The following GRID2 variants were observed in gnomAD, a reference collection of about 807,000 sequenced individuals.
GRID2 encodes the protein glutamate receptor ionotropic, delta-2.
Under a neutral mutation model 114.8 loss-of-function variants are expected in GRID2, and 33 were observed. That is an observed-to-expected ratio of 0.29 (90% CI 0.22 to 0.38). The LOEUF (loss-of-function observed/expected upper bound fraction) is 0.38. GRID2 is among the 10% of genes least tolerant of loss of function. GRID2 has a pLI of 1.00. For missense variants in GRID2, 1,184 were observed against 1,257.7 expected (o/e 0.94, Z 0.89); for synonymous variants, 505 against 449.9 (o/e 1.12, Z -1.55).
intron 2 of GRID2, among the ~76,000 whole-genome samples, chr4:92,940,480 G>A (rs1223105673): frequency 6.6e-6 from 1 of 151,852 alleles, no homozygotes; most frequent in Non-Finnish European, 1.5e-5. Flanking sequence ...GAGACGATGG[G>A]GTTTTCTAGA....
chr4:92,444,112 A>G (rs897337056), intron 1 of GRID2, among the ~76,000 whole-genome samples: 2 of 152,230 alleles, frequency 1.3e-5, no homozygotes, highest in Non-Finnish European at 2.9e-5. Flanking sequence ...ACCTGAGGTC[A>G]TAGGTGGATC....
chr4:93,776,903 T>C (rs1427062224), downstream of GRID2, among the ~76,000 whole-genome samples: 1 of 152,206 alleles, frequency 6.6e-6, no homozygotes, highest in East Asian at 1.9e-4. Flanking sequence ...ACAACTCCTT[T>C]TCTATCCCTG....
At chr4:93,240,752 C>T (rs1747408881) in intron 8 of GRID2, among the ~76,000 whole-genome samples, 1 of 150,400 alleles carries the variant, frequency 6.6e-6, no homozygotes, top group Admixed American at 6.7e-5. Context: ...TTTTATCTAT[C>T]TAGAAGTTTT....
intron 4 of GRID2, among the ~76,000 whole-genome samples, chr4:93,205,716 C>T (rs1742667577): frequency 6.6e-6 from 1 of 151,966 alleles, no homozygotes; most frequent in South Asian, 2.1e-4. Context: ...AGTTCTAGAC[C>T]CCTAAGGAAT....
chr4:92,914,475 C>T (rs921423655), intron 2 of GRID2, among the ~76,000 whole-genome samples: 2 of 151,916 alleles, frequency 1.3e-5, no homozygotes, highest in African/African-American at 4.8e-5. Flanking sequence ...CATAGGTAAA[C>T]TTGTGTCATG....
At chr4:93,070,034 A>T (rs1023611107) in intron 2 of GRID2, among the ~76,000 whole-genome samples, 1 of 152,088 alleles carries the variant, frequency 6.6e-6, no homozygotes, top group African/African-American at 2.4e-5. Context: ...TTTTGATTTT[A>T]TGTCTTCACT....
downstream of GRID2, among the ~76,000 whole-genome samples, chr4:93,778,905 T>A (rs1160839035): frequency 6.6e-6 from 1 of 152,230 alleles, no homozygotes; most frequent in African/African-American, 2.4e-5. Context: ...GAGTTAAAAT[T>A]AAAAATATGC....
At chr4:92,551,254 CTGTGTGTGTGTGTGTGTGTG>C (rs34809917) in intron 1 of GRID2, among the ~76,000 whole-genome samples, 1 of 146,872 alleles carries the variant, frequency 6.8e-6, no homozygotes, top group East Asian at 2.0e-4. Context: ...ACATCTACAC[CTGTGTGTGTGTGTGTGTGTG>C]TGTGTGTGTG....
chr4:93,732,302 C>T, intron 14 of GRID2, among the ~76,000 whole-genome samples: 1 of 152,122 alleles, frequency 6.6e-6, no homozygotes, highest in East Asian at 1.9e-4. Context: ...ACTAAAATGC[C>T]ACAAGAGACA....
At chr4:92,539,993 G>T (rs999873533) in intron 1 of GRID2, among the ~76,000 whole-genome samples, 1 of 151,948 alleles carries the variant, frequency 6.6e-6, no homozygotes, top group African/African-American at 2.4e-5. Context: ...ATAATGCTAC[G>T]TATCTACAAC....
At chr4:93,734,009 T>A (rs1275640698) in intron 14 of GRID2, among the ~76,000 whole-genome samples, 1 of 152,076 alleles carries the variant, frequency 6.6e-6, no homozygotes, top group Non-Finnish European at 1.5e-5. Flanking sequence ...CCTTTAATCA[T>A]GGTGGATAGG....
chr4:93,423,238 C>A (rs894152616), intron 10 of GRID2, among the ~76,000 whole-genome samples: 1 of 149,532 alleles, frequency 6.7e-6, no homozygotes, highest in African/African-American at 2.5e-5. Context: ...AAGACCTTTT[C>A]TTTGCTCAAC....
At chr4:92,905,405 T>G (rs1490007027) in intron 2 of GRID2, among the ~76,000 whole-genome samples, 1 of 150,088 alleles carries the variant, frequency 6.7e-6, no homozygotes, top group African/African-American at 2.5e-5. Flanking sequence ...CATATGATTG[T>G]GAGGATAGAG....
intron 2 of GRID2, among the ~76,000 whole-genome samples, chr4:93,077,184 A>G (rs190177550): frequency 1.3e-5 from 2 of 152,342 alleles, no homozygotes; most frequent in Admixed American, 1.3e-4. Flanking sequence ...AATAGTTTTG[A>G]GAAACATTAG....
chr4:93,115,380 T>A (rs13133284), intron 4 of GRID2, among the ~76,000 whole-genome samples: 54,482 of 149,722 alleles, frequency 0.36, 10,330 homozygotes, highest in Admixed American at 0.53. Context: ...GTGTTTCTTA[T>A]GTGGCATTCC....
Position 93,410,830 on chromosome 4 carries a change from G to A in GRID2, c.1348-11941G>A, listed in dbSNP as rs1161799481. Among the ~76,000 whole-genome samples, 8 of 152,238 alleles carry A rather than the reference G, an allele frequency of 5.3e-5. No individual in the cohort carries two copies. In the South Asian group the frequency reaches 6.2e-4, roughly 12 times the overall value. ...ACTCCTGACCTCAGGTGATCCTCCC[G>A]CCTTGGCCTCCCAAAGTGCTGGGAT... On this transcript the variant is annotated intron_variant, in intron 9 of 15. Transcript: ENST00000282020.
intron 8 of GRID2, among the ~76,000 whole-genome samples, chr4:93,259,890 G>C (rs917624693): frequency 2.0e-5 from 3 of 151,684 alleles, no homozygotes; most frequent in African/African-American, 7.2e-5. Context: ...CATTTCTACT[G>C]CCTTTGCTAT....
chr4:92,438,650 GT>G (rs1458282845), intron 1 of GRID2, among the ~76,000 whole-genome samples: 5 of 151,716 alleles, frequency 3.3e-5, no homozygotes, highest in Non-Finnish European at 5.9e-5. Flanking sequence ...TGTTCGTGCT[GT>G]TTTTCCCAAC....
chr4:93,389,847 G>A (rs886431791), intron 8 of GRID2, among the ~76,000 whole-genome samples: 33 of 151,112 alleles, frequency 2.2e-4, no homozygotes, highest in African/African-American at 8.0e-4. Flanking sequence ...CTGGAGTGCA[G>A]TGGCACCCTC....
Sources: gnomAD v4.1 joint callset for allele counts (sites outside exome capture counted in the v4.1 genomes callset) on GRCh38, gnomAD v4.1.1 for gene constraint, MANE v1.5 for transcripts, NCBI Gene and HGNC (gene_info 2026-07-23, HGNC 2026-07-21) for gene names.